The following SKOR2 variants were observed in gnomAD, a reference collection of about 807,000 sequenced individuals.
SKOR2 encodes SKI family transcriptional corepressor 2, also known as LBX1 corepressor 1-like protein.
A neutral mutation model predicts 69.1 loss-of-function variants in SKOR2; 47 were observed. The ratio of observed to expected loss-of-function variants is 0.68; its 90% CI spans 0.54 to 0.87. SKOR2 has a LOEUF of 0.87. SKOR2 is among the 40% of genes least tolerant of loss of function. SKOR2 has a pLI of 0.00. For synonymous variants in SKOR2, 717 were observed against 672.6 expected, an observed-to-expected ratio of 1.07 and a Z score of -1.02; for missense variants, 1,404 against 1,472.2, an observed-to-expected ratio of 0.95 and a Z score of 0.76.
In SKOR2 at chr18:47,246,509, C is replaced by T. The variant is rs992201637; in HGVS notation, c.2613+62G>A. ...CTTTCCTGCGCATATGTAACCGATT[C>T]AGCCTAAAGGTGCATTTAAATAATA... On this transcript the variant is annotated intron_variant, in intron 2 of 8. Transcript: ENST00000425639. 78 of 1,425,218 alleles carry T rather than the reference C, an allele frequency of 5.5e-5. No individual in the cohort carries two copies. The Middle Eastern group carries it at 5.5e-4, about 10-fold the overall frequency. The allele number at this position is 1,425,218 out of a possible 1,614,324, so 88.3% of individuals were successfully genotyped here.
intron 6 of SKOR2, among the ~76,000 whole-genome samples, chr18:47,227,049 C>A (rs2064180993): frequency 6.6e-6 from 1 of 152,192 alleles, no homozygotes; most frequent in African/African-American, 2.4e-5. Flanking sequence ...GAGAGCAGCT[C>A]TGGAAGCCTC....
intron 1 of SKOR2, 145 bp from the exon 2 acceptor site, chr18:47,249,375 A>G: frequency 1.3e-6 from 1 of 793,424 alleles, no homozygotes; most frequent in Non-Finnish European, 1.9e-6. Context: ...CAAGTTTTGA[A>G]CACAAGAAAG....
chr18:47,239,771 G>T (rs778372628), intron 4 of SKOR2, among the ~76,000 whole-genome samples: 1 of 152,038 alleles, frequency 6.6e-6, no homozygotes, highest in African/African-American at 2.4e-5. Context: ...ATTTAATTTT[G>T]AATCCATGTA....
Position 47,214,278 on chromosome 18 carries a change from C to A in SKOR2, c.2986-2127G>T, listed in dbSNP as rs1054780026. Reference sequence around the variant, plus strand: ...CTTTTTTTCAGAAGCAATAACACAGCATTTCATTAAGGTAGAAAGTTGAGA... The same window carrying A: ...CTTTTTTTCAGAAGCAATAACACAGAATTTCATTAAGGTAGAAAGTTGAGA... On this transcript the variant is annotated intron_variant, in intron 7 of 8. Transcript: ENST00000425639. Among the ~76,000 whole-genome samples, 54 of 151,760 alleles carry A rather than the reference C, an allele frequency of 3.6e-4. 1 individual carries two copies. Among genetic ancestry groups the A allele is most frequent in the African/African-American group, 1.3e-3 (53 of 41,266 alleles).
chr18:47,226,018 A>G (rs548303532), intron 6 of SKOR2, among the ~76,000 whole-genome samples: 111 of 152,132 alleles, frequency 7.3e-4, no homozygotes, highest in Non-Finnish European at 1.4e-3. Context: ...GCAGGCAGAA[A>G]GGGCTGGAGT....
intron 4 of SKOR2, among the ~76,000 whole-genome samples, chr18:47,237,143 T>A (rs1170649153): frequency 6.6e-6 from 1 of 152,236 alleles, no homozygotes; most frequent in African/African-American, 2.4e-5. Context: ...TGACGAGTTT[T>A]AAAGCACTAA....
At chr18:47,232,863 T>C (rs2064205300) in intron 4 of SKOR2, among the ~76,000 whole-genome samples, 1 of 152,222 alleles carries the variant, frequency 6.6e-6, no homozygotes, top group Non-Finnish European at 1.5e-5. Flanking sequence ...CCTGGGCACT[T>C]GTAGAAGTAC....
In SKOR2 at chr18:47,247,130, T is replaced by G. The variant is rs755551156; in HGVS notation, c.2054A>C (p.Glu685Ala). The change falls in exon 2 of 9, where the codon GAG (glutamate) becomes GCG (alanine). Residue 685 changes from glutamate to alanine, a missense_variant. Around this residue, in one of 3 missense-constraint regions of SKOR2, gnomAD observed 1,266 missense variants for 1,309.9 expected, o/e 0.97. Coordinates refer to ENST00000425639, the MANE Select transcript of SKOR2 (RefSeq NM_001278063.4). The surrounding 1 kb of genome is among the most constrained non-coding windows in gnomAD (Gnocchi z 6.6). The part of the protein sequence containing the change: ...PLLLLPPQPD[E>A]PGSERHHPAP... Reference sequence around the variant, plus strand: ...CGGGTGGTGGCGCTCGGAACCCGGCTCGTCGGGCTGCGGGGGCAGCAGCAG... The same window carrying G: ...CGGGTGGTGGCGCTCGGAACCCGGCGCGTCGGGCTGCGGGGGCAGCAGCAG... 9.7e-6 allele frequency: 11 copies of G among 1,136,458 alleles called. No individual in the cohort carries two copies. The East Asian group carries it at 4.5e-4, about 47-fold the overall frequency. The allele number at this position is 1,136,458 out of a possible 1,614,324, so 70.4% of individuals were successfully genotyped here. A position where few individuals can be genotyped will look rare whatever the true frequency, so the allele number is the denominator to read the frequency against.
At chr18:47,238,726 T>G (rs1389584362) in intron 4 of SKOR2, among the ~76,000 whole-genome samples, 1 of 152,208 alleles carries the variant, frequency 6.6e-6, no homozygotes, top group Non-Finnish European at 1.5e-5. Context: ...TTCGGTCAAG[T>G]GTCCAGATGT....
chr18:47,234,724 G>A (rs932168439), intron 4 of SKOR2, among the ~76,000 whole-genome samples: 1 of 152,064 alleles, frequency 6.6e-6, no homozygotes, highest in Non-Finnish European at 1.5e-5. Context: ...AGCTGGGCAT[G>A]GTGGCAGGCA....
Position 47,247,716 on chromosome 18 carries a change from G to A in SKOR2, c.1468C>T (p.Gln490Ter). 7.3e-7 allele frequency: 1 copy of A among 1,360,842 alleles called. No individual in the cohort carries two copies. The highest frequency in any genetic ancestry group is 9.4e-7 in the Non-Finnish European group (1 of 1,066,516). 84.3% of individuals were successfully genotyped at this position (1,360,842 alleles called of 1,614,324 possible). Residue 490 changes from glutamine (Q) to a stop codon, truncating the protein, a stop_gained, in exon 2 of 9, where the codon CAG becomes TAG. Coordinates refer to ENST00000425639, the MANE Select transcript of SKOR2 (RefSeq NM_001278063.4). LOFTEE classifies it high-confidence loss of function. This position sits in a 1 kb window ranked among gnomAD's most constrained non-coding sequence, Gnocchi z 6.6. Reference protein sequence around the residue: ...PVPTYLQPPPQPPSALGCALG... With the variant: ...PVPTYLQPPP ...GCGCAGCCTAGCGCCGAGGGCGGCT[G>A]AGGCGGGGGCTGCAGGTAGGTGGGC...
At chr18:47,249,930 C>T (rs924084689) in intron 1 of SKOR2, among the ~76,000 whole-genome samples, 1 of 152,210 alleles carries the variant, frequency 6.6e-6, no homozygotes, top group Non-Finnish European at 1.5e-5. Flanking sequence ...AAAAAACCTA[C>T]TTGCTGAACT....
intron 8 of SKOR2, among the ~76,000 whole-genome samples, chr18:47,209,939 A>C (rs1159739439): frequency 2.0e-5 from 3 of 152,078 alleles, no homozygotes; most frequent in African/African-American, 7.2e-5. Context: ...AAAATAAAAA[A>C]AATTTGCTGG....
In SKOR2 at chr18:47,248,693, T is replaced by A; in HGVS notation, c.491A>T (p.Tyr164Phe). The change falls in exon 2 of 9, where the codon TAC (tyrosine) becomes TTC (phenylalanine). Residue 164 changes from tyrosine to phenylalanine, a missense_variant. By Grantham distance (22) the Tyr-to-Phe change is conservative. Around this residue, in one of 3 missense-constraint regions of SKOR2, gnomAD observed 1,266 missense variants for 1,309.9 expected, o/e 0.97. Coordinates refer to ENST00000425639, the MANE Select transcript of SKOR2 (RefSeq NM_001278063.4). This position sits in a 1 kb window ranked among gnomAD's most constrained non-coding sequence, Gnocchi z 6.4. Reference sequence around the variant, plus strand: ...GATGCACTTGGCGCGCGAGCTGTTGTAGCGCGCGGGAATGAAGCTGCCGCG... The same window carrying A: ...GATGCACTTGGCGCGCGAGCTGTTGAAGCGCGCGGGAATGAAGCTGCCGCG... ...GCRGSFIPARYNSSRAKCIKC... is the reference protein window; with the variant it reads ...GCRGSFIPARFNSSRAKCIKC... The A allele has an allele frequency of 6.4e-7, 1 of 1,564,088 alleles. No individual in the cohort carries two copies. Among genetic ancestry groups the A allele is most frequent in the Admixed American group, 1.8e-5 (1 of 54,532 alleles).
rs1362076153 is a variant in SKOR2 at position 47,246,747 on chromosome 18, C to G, written c.2437G>C (p.Gly813Arg). The stretch of plus-strand genomic sequence containing the variant: ...TGCAGCAGCCTGGAGGAGTTCAGGC[C>G]GAGCGGGAACGCGCCCGCGACGGCC... ...APAVAGAFPL[G>R]LNSSRLLQED... The change falls in exon 2 of 9, where the codon GGC (glycine) becomes CGC (arginine). Residue 813 changes from glycine to arginine, a missense_variant. Physicochemically the swap from Gly to Arg is moderately radical, Grantham distance 125. Around this residue, in one of 3 missense-constraint regions of SKOR2, gnomAD observed 1,266 missense variants for 1,309.9 expected, o/e 0.97. Coordinates refer to ENST00000425639, the MANE Select transcript of SKOR2 (RefSeq NM_001278063.4). The G allele has an allele frequency of 2.8e-6, 4 of 1,408,138 alleles. No individual in the cohort carries two copies. The highest frequency in any genetic ancestry group is 3.3e-5 in the Admixed American group (1 of 30,174). 87.2% of individuals were successfully genotyped at this position (1,408,138 alleles called of 1,614,324 possible).
At chr18:47,209,747 TG>T (rs879784614) in intron 8 of SKOR2, among the ~76,000 whole-genome samples, 1 of 151,962 alleles carries the variant, frequency 6.6e-6, no homozygotes, top group Non-Finnish European at 1.5e-5. Context: ...ACAGGGAAGA[TG>T]GGTTGGGGAA....
At position 47,247,588 on chromosome 18, in the gene SKOR2, G is replaced by C. The variant is rs1320774904; in HGVS notation, c.1596C>G (p.Pro532=). ...SAEAAPPPGQ[P]PQVVANGPGS... ...CCGGGCCGTTGGCCACTACCTGCGG[G>C]GGCTGCCCCGGCGGGGGCGCGGCCT... Residue 532 remains proline, a synonymous_variant, in exon 2 of 9, where the codon CCC becomes CCG. Transcript: ENST00000425639. This position sits in a 1 kb window ranked among gnomAD's most constrained non-coding sequence, Gnocchi z 6.6. 98 of 1,262,288 alleles carry C rather than the reference G, an allele frequency of 7.8e-5. No individual in the cohort carries two copies. Among genetic ancestry groups the C allele is most frequent in the Non-Finnish European group, 8.5e-5 (86 of 1,006,460 alleles). 78.2% of individuals were successfully genotyped at this position (1,262,288 alleles called of 1,614,324 possible).
intron 4 of SKOR2, among the ~76,000 whole-genome samples, chr18:47,237,917 A>T (rs2064231769): frequency 6.6e-6 from 1 of 152,098 alleles, no homozygotes; most frequent in Non-Finnish European, 1.5e-5. Flanking sequence ...GGCTCAGGGA[A>T]TCCTCCTGTT....
At chr18:47,236,522 G>C (rs1031396888) in intron 4 of SKOR2, among the ~76,000 whole-genome samples, 1 of 152,158 alleles carries the variant, frequency 6.6e-6, no homozygotes, top group Non-Finnish European at 1.5e-5. Flanking sequence ...GAAGGGGGTG[G>C]GGGGCTTTGG....
Sources: allele counts gnomAD v4.1 joint callset (sites outside exome capture counted in the v4.1 genomes callset), GRCh38; gene constraint gnomAD v4.1.1; regional missense constraint gnomAD v4.1.1; non-coding constraint Gnocchi (gnomAD v3.1); transcripts MANE v1.5; gene names NCBI Gene and HGNC (gene_info 2026-07-23, HGNC 2026-07-21).